The following EBF2 variants were observed in gnomAD, a reference collection of about 807,000 sequenced individuals.
EBF2 encodes the protein transcription factor COE2.
A neutral mutation model predicts 72.8 loss-of-function variants in EBF2; 21 were observed. The ratio of observed to expected loss-of-function variants is 0.29; its 90% CI spans 0.20 to 0.42. EBF2 has a LOEUF of 0.42. EBF2 is among the 10% of genes least tolerant of loss of function. EBF2 has a pLI of 1.00. For synonymous variants in EBF2, 299 were observed against 274.2 expected, an observed-to-expected ratio of 1.09 and a Z score of -0.89; for missense variants, 637 against 731.2, an observed-to-expected ratio of 0.87 and a Z score of 1.49.
At chr8:26,001,890 C>A (rs1324570626) in intron 6 of EBF2, among the ~76,000 whole-genome samples, 1 of 152,140 alleles carries the variant, frequency 6.6e-6, no homozygotes, top group African/African-American at 2.4e-5. Context: ...TTTCCTCCCC[C>A]ATGCCCACTC....
chr8:25,907,419 C>CAAAA (rs55695734), intron 7 of EBF2, among the ~76,000 whole-genome samples: 378 of 28,902 alleles, frequency 0.013, 33 homozygotes, highest in Non-Finnish European at 0.018. Context: ...GACCCTGCCT[C>CAAAA]AAAAAAAAAA....
chr8:26,037,934 G>T (rs1805531272), intron 5 of EBF2, among the ~76,000 whole-genome samples: 1 of 152,204 alleles, frequency 6.6e-6, no homozygotes, highest in Admixed American at 6.5e-5. Flanking sequence ...ACCATCCGGG[G>T]AAGTGCCCAG....
intron 5 of EBF2, among the ~76,000 whole-genome samples, chr8:26,034,470 A>G (rs1204270168): frequency 6.6e-6 from 1 of 152,210 alleles, no homozygotes; most frequent in East Asian, 1.9e-4. Flanking sequence ...AATTACAACA[A>G]ACAGAAAGTA....
chr8:26,009,367 G>A (rs1193114248), intron 6 of EBF2, among the ~76,000 whole-genome samples: 2 of 152,068 alleles, frequency 1.3e-5, no homozygotes, highest in Non-Finnish European at 1.5e-5. Context: ...ATGTGTAACC[G>A]TAAAACTAGC....
intron 6 of EBF2, among the ~76,000 whole-genome samples, chr8:25,948,116 C>T (rs1218002906): frequency 6.6e-6 from 1 of 152,146 alleles, no homozygotes; most frequent in African/African-American, 2.4e-5. Flanking sequence ...TTCTATAGGC[C>T]TCCTGTACAT....
chr8:25,975,027 CAA>C (rs1409228669), intron 6 of EBF2, among the ~76,000 whole-genome samples: 1 of 152,096 alleles, frequency 6.6e-6, no homozygotes, highest in East Asian at 1.9e-4. Flanking sequence ...AGAAACAAAG[CAA>C]AGAGATTAAT....
chr8:25,870,574 G>T (rs1215977023), intron 10 of EBF2, among the ~76,000 whole-genome samples: 1 of 152,098 alleles, frequency 6.6e-6, no homozygotes, highest in Admixed American at 6.5e-5. Context: ...TCTAATCAGT[G>T]CACAGAGGTG....
In EBF2 at chr8:25,896,424, A is replaced by G. The variant is rs942997198; in HGVS notation, c.634-6555T>C. 1.6e-4 allele frequency among the ~76,000 whole-genome samples: 24 copies of G among 152,312 alleles called. 1 individual carries two copies. The highest frequency in any genetic ancestry group is 5.1e-4 in the African/African-American group (21 of 41,576). ...CATTGAAGACTCTGATACCCTACTT[A>G]TGAATGTGCATACACTCAGCTAAAT... is the stretch of plus-strand genomic sequence containing the variant. On this transcript the variant is annotated intron_variant, in intron 7 of 15. Coordinates refer to ENST00000520164, the MANE Select transcript of EBF2 (RefSeq NM_022659.4).
At chr8:25,908,132 G>A (rs909416296) in intron 7 of EBF2, among the ~76,000 whole-genome samples, 12 of 152,196 alleles carry the variant, frequency 7.9e-5, no homozygotes, top group Non-Finnish European at 1.5e-4. Context: ...ATACAGAGAA[G>A]CTGCTCTGAA....
intron 6 of EBF2, among the ~76,000 whole-genome samples, chr8:25,961,848 G>A (rs780914149): frequency 5.3e-5 from 8 of 152,106 alleles, no homozygotes; most frequent in Non-Finnish European, 7.4e-5. Flanking sequence ...CCCTTCAGGT[G>A]GAAAATTCAT....
At chr8:25,844,774 T>TGAGGA in intron 15 of EBF2, 134 bp from the exon 16 acceptor site, 2 of 1,113,944 alleles carry the variant, frequency 1.8e-6, no homozygotes, top group Non-Finnish European at 2.7e-6. Flanking sequence ...TCAGCTGATA[T>TGAGGA]GAGGACCTGT....
intron 6 of EBF2, among the ~76,000 whole-genome samples, chr8:26,021,629 T>C (rs949287227): frequency 9.2e-5 from 14 of 152,242 alleles, no homozygotes; most frequent in African/African-American, 3.4e-4. Context: ...AAATATTGCA[T>C]GGGACAAACT....
At chr8:25,908,419 G>C in intron 7 of EBF2, 55 bp downstream of exon 7, 1 of 1,293,156 alleles carries the variant, frequency 7.7e-7, no homozygotes, top group Non-Finnish European at 1.1e-6. Context: ...AGAGTGAGAA[G>C]GAGAGAGAAA....
At chr8:25,935,749 T>C (rs1803569300) in intron 6 of EBF2, among the ~76,000 whole-genome samples, 1 of 152,214 alleles carries the variant, frequency 6.6e-6, no homozygotes, top group Non-Finnish European at 1.5e-5. Flanking sequence ...CAATCTATGA[T>C]TTCATTATGC....
At chr8:25,904,008 C>G (rs1802995869) in intron 7 of EBF2, among the ~76,000 whole-genome samples, 1 of 152,004 alleles carries the variant, frequency 6.6e-6, no homozygotes, top group African/African-American at 2.4e-5. Context: ...TGAGAGATCA[C>G]CAGGAAAAGT....
intron 13 of EBF2, among the ~76,000 whole-genome samples, chr8:25,859,920 C>T (rs1802180207): frequency 6.6e-6 from 1 of 151,862 alleles, no homozygotes; most frequent in Non-Finnish European, 1.5e-5. Flanking sequence ...TTTCACCATG[C>T]TGCCCAGGCT....
intron 5 of EBF2, among the ~76,000 whole-genome samples, chr8:26,038,948 T>C (rs1040816980): frequency 6.6e-6 from 1 of 152,194 alleles, no homozygotes. Flanking sequence ...AGCTAGTAAG[T>C]CTGGAGTTAG....
intron 6 of EBF2, among the ~76,000 whole-genome samples, chr8:25,972,739 G>A (rs187597798): frequency 2.6e-4 from 40 of 152,266 alleles, no homozygotes; most frequent in Admixed American, 2.1e-3. Flanking sequence ...AAGTATACAT[G>A]AGGGCGATGG....
At position 25,852,772 on chromosome 8, in the gene EBF2, A is replaced by G. The variant is rs192198160; in HGVS notation, c.1529-2011T>C. The stretch of plus-strand genomic sequence containing the variant: ...TTCAACTGAATTTAAAATTCGATGC[A>G]ACTATAATAAAAATGCTGAAAGGAA... On this transcript the variant is annotated intron_variant, in intron 14 of 15. Coordinates refer to ENST00000520164, the MANE Select transcript of EBF2 (RefSeq NM_022659.4). Among the ~76,000 whole-genome samples, 123 of 152,362 alleles carry G rather than the reference A, an allele frequency of 8.1e-4. 2 individuals are homozygous for G. The highest frequency in any genetic ancestry group is 2.9e-3 in the African/African-American group (120 of 41,584).
Sources: gnomAD v4.1 joint callset for allele counts (sites outside exome capture counted in the v4.1 genomes callset) on GRCh38, gnomAD v4.1.1 for gene constraint, MANE v1.5 for transcripts, NCBI Gene and HGNC (gene_info 2026-07-23, HGNC 2026-07-21) for gene names.